PTPRK: variants seen among roughly 807,000 people sequenced by gnomAD.
The protein encoded by PTPRK is protein tyrosine phosphatase receptor type K.
PTPRK carries 75 observed loss-of-function variants against 178.0 expected under a neutral mutation model. That is an observed-to-expected ratio of 0.42 (90% CI 0.35 to 0.51). The LOEUF (loss-of-function observed/expected upper bound fraction) is 0.51, where lower values mean the gene tolerates loss of function less well. PTPRK is among the 20% of genes least tolerant of loss of function. The pLI is 0.02. For missense variants in PTPRK, 1,441 were observed against 1,797.8 expected (o/e 0.80, Z 3.59); for synonymous variants, 637 against 620.6 (o/e 1.03, Z -0.39).
chr6:128,246,692 G>A lies in PTPRK; in HGVS notation c.496-4090C>T, dbSNP rs972301605. On this transcript the variant is annotated intron_variant, in intron 3 of 29. Transcript: ENST00000368226. ...GCTCAGGTCAGATCTAATGCTTGAT[G>A]TCAAGCAGTCAACCAGGCTTCCCAG... Among the ~76,000 whole-genome samples, 5 of 152,222 alleles carry A rather than the reference G, an allele frequency of 3.3e-5. No individual in the cohort carries two copies. The East Asian group carries it at 5.8e-4, about 18-fold the overall frequency.
At chr6:128,299,762 A>G (rs926538956) in intron 3 of PTPRK, among the ~76,000 whole-genome samples, 1 of 152,216 alleles carries the variant, frequency 6.6e-6, no homozygotes, top group Non-Finnish European at 1.5e-5. Context: ...CTAAAACCAT[A>G]AAAACCCCAG....
chr6:128,047,474 A>AT (rs1245193530), intron 13 of PTPRK, among the ~76,000 whole-genome samples: 1 of 152,102 alleles, frequency 6.6e-6, no homozygotes, highest in African/African-American at 2.4e-5. Context: ...AGCTTTTGGA[A>AT]TTTTTTTCTT....
intron 1 of PTPRK, among the ~76,000 whole-genome samples, chr6:128,427,903 C>G (rs1844357045): frequency 6.6e-6 from 1 of 151,964 alleles, no homozygotes; most frequent in African/African-American, 2.4e-5. Context: ...GCATCCTGGC[C>G]AACAGGGTAA....
At chr6:128,357,964 G>C (rs1404583490) in intron 2 of PTPRK, among the ~76,000 whole-genome samples, 1 of 152,106 alleles carries the variant, frequency 6.6e-6, no homozygotes, top group African/African-American at 2.4e-5. Context: ...TACTCACACA[G>C]CAAATTTCCA....
At chr6:128,040,659 G>C (rs936035256) in intron 13 of PTPRK, among the ~76,000 whole-genome samples, 1 of 152,018 alleles carries the variant, frequency 6.6e-6, no homozygotes, top group African/African-American at 2.4e-5. Flanking sequence ...TGTACGTAAG[G>C]GTTAGTAATA....
intron 6 of PTPRK, among the ~76,000 whole-genome samples, chr6:128,189,281 C>T (rs1344094638): frequency 7.0e-6 from 1 of 142,994 alleles, no homozygotes; most frequent in Non-Finnish European, 1.5e-5. Context: ...CATCTGTTAC[C>T]CAGGCTGGAG....
chr6:128,002,455 AT>A (rs1401737587), intron 15 of PTPRK, among the ~76,000 whole-genome samples: 4 of 151,964 alleles, frequency 2.6e-5, no homozygotes, highest in Non-Finnish European at 4.4e-5. Flanking sequence ...TCATTGGTGT[AT>A]AATTAGTCAA....
At chr6:128,478,648 A>T (rs1409292188) in intron 1 of PTPRK, among the ~76,000 whole-genome samples, 1 of 152,146 alleles carries the variant, frequency 6.6e-6, no homozygotes, top group Non-Finnish European at 1.5e-5. Context: ...GCAAAAGTAA[A>T]GATGACGATG....
intron 7 of PTPRK, among the ~76,000 whole-genome samples, chr6:128,115,975 T>C (rs1304640400): frequency 6.6e-6 from 1 of 152,136 alleles, no homozygotes; most frequent in Non-Finnish European, 1.5e-5. Context: ...CACTTCACCC[T>C]GAATCCTCAC....
intron 2 of PTPRK, among the ~76,000 whole-genome samples, chr6:128,350,624 GT>G (rs540955506): frequency 2.6e-5 from 4 of 152,132 alleles, no homozygotes; most frequent in Non-Finnish European, 4.4e-5. Context: ...TTAAGCCAAT[GT>G]TTTTAAAGAA....
chr6:128,329,841 G>C (rs2128325021), intron 2 of PTPRK, among the ~76,000 whole-genome samples: 1 of 152,210 alleles, frequency 6.6e-6, no homozygotes, highest in Non-Finnish European at 1.5e-5. Flanking sequence ...CCCTATCGCT[G>C]AGTCTAATTG....
At chr6:128,419,456 CA>C (rs35685279) in intron 1 of PTPRK, among the ~76,000 whole-genome samples, 150,455 of 151,854 alleles carry the variant, frequency 0.99, 74,538 homozygotes, top group Middle Eastern at 1. Context: ...ACTAAAAATA[CA>C]AAAAAAAATT....
intron 7 of PTPRK, among the ~76,000 whole-genome samples, chr6:128,107,712 T>C (rs568286515): frequency 1.4e-3 from 208 of 152,360 alleles, no homozygotes; most frequent in African/African-American, 4.9e-3. Flanking sequence ...AAAATATCTG[T>C]ATTAAATCAT....
chr6:128,375,816 A>G lies in PTPRK; in HGVS notation c.223+21750T>C, dbSNP rs542120506. 1.1e-3 allele frequency among the ~76,000 whole-genome samples: 167 copies of G among 152,312 alleles called. 1 individual carries two copies. The highest frequency in any genetic ancestry group is 3.1e-3 in the South Asian group (15 of 4,824). ...GGTAAATACAGCCCTTCCAAATAGG[A>G]GAAATTGGCCAAAACAAAGGGACTA... On this transcript the variant is annotated intron_variant, in intron 2 of 29. Transcript: ENST00000368226.
chr6:128,321,939 A>C (rs751552191), intron 3 of PTPRK, 100 bp downstream of exon 3: 9 of 1,491,696 alleles, frequency 6.0e-6, no homozygotes, highest in Non-Finnish European at 6.5e-6. Flanking sequence ...CAAGAGGGCA[A>C]TCTCTCATTA....
At chr6:128,115,592 A>G (rs1450101830) in intron 7 of PTPRK, among the ~76,000 whole-genome samples, 3 of 152,112 alleles carry the variant, frequency 2.0e-5, no homozygotes, top group Non-Finnish European at 2.9e-5. Context: ...ATTTCACACT[A>G]AAGTTTTATA....
intron 15 of PTPRK, chr6:128,003,267 G>GACCC: frequency 4.0e-6 from 6 of 1,492,432 alleles, no homozygotes; most frequent in Non-Finnish European, 5.5e-6. Flanking sequence ...GGAATATATT[G>GACCC]CTCTAAAATT....
At chr6:128,414,445 T>A (rs1842625607) in intron 1 of PTPRK, among the ~76,000 whole-genome samples, 1 of 152,226 alleles carries the variant, frequency 6.6e-6, no homozygotes, top group Admixed American at 6.5e-5. Flanking sequence ...TTTGATTTTT[T>A]AAATATTTTT....
chr6:128,491,616 G>A (rs1853783508), intron 1 of PTPRK: 1 of 375,372 alleles, frequency 2.7e-6, no homozygotes, highest in African/African-American at 2.1e-5. Flanking sequence ...CTAGAAGACT[G>A]TGGTGAGAAT....
Sources: allele counts gnomAD v4.1 joint callset (sites outside exome capture counted in the v4.1 genomes callset), GRCh38; gene constraint gnomAD v4.1.1; transcripts MANE v1.5; gene names NCBI Gene and HGNC (gene_info 2026-07-23, HGNC 2026-07-21).